IMMP2L: variants seen among roughly 807,000 people sequenced by gnomAD.
IMMP2L encodes the protein inner mitochondrial membrane peptidase subunit 2, also known as mitochondrial inner membrane protease subunit 2.
A neutral mutation model predicts 19.3 loss-of-function variants in IMMP2L; 18 were observed. That is an observed-to-expected ratio of 0.93 (90% CI 0.64 to 1.38). The LOEUF (loss-of-function observed/expected upper bound fraction) is 1.38, where lower values mean the gene tolerates loss of function less well. Ranked by LOEUF, IMMP2L falls within the 40% of genes most tolerant of loss-of-function variation. IMMP2L has a pLI of 0.00. For missense variants in IMMP2L, 233 were observed against 218.2 expected, an observed-to-expected ratio of 1.07 and a Z score of -0.43; for synonymous variants, 76 against 73.0, an observed-to-expected ratio of 1.04 and a Z score of -0.21.
intron 5 of IMMP2L, among the ~76,000 whole-genome samples, chr7:110,821,738 C>G (rs1389381018): frequency 2.0e-5 from 3 of 151,904 alleles, no homozygotes; most frequent in African/African-American, 7.3e-5. Context: ...TGGTGAAACA[C>G]TGTCTCTACC....
chr7:110,693,461 CT>C (rs1490813281), intron 5 of IMMP2L, among the ~76,000 whole-genome samples: 1 of 152,206 alleles, frequency 6.6e-6, no homozygotes, highest in Non-Finnish European at 1.5e-5. Context: ...ACAATATAGA[CT>C]TATTCATTTG....
At chr7:111,227,496 A>G (rs1048629400) in intron 3 of IMMP2L, among the ~76,000 whole-genome samples, 3 of 152,092 alleles carry the variant, frequency 2.0e-5, no homozygotes, top group Non-Finnish European at 4.4e-5. Flanking sequence ...TAGTCACAGG[A>G]AGCAGTTCCA....
At position 111,518,660 on chromosome 7, in the gene IMMP2L, T is replaced by A. The variant is rs559889041; in HGVS notation, c.135+2653A>T. 1.7e-4 allele frequency among the ~76,000 whole-genome samples: 26 copies of A among 152,288 alleles called. No homozygotes were observed. In the East Asian group the frequency reaches 5.0e-3, roughly 29 times the overall value. ...GTATAGTAGCAAAGATGTCTTCAAATATGTTGAATTAGTTAATCCCTAAAT... is the reference window on the plus strand; with the variant it reads ...GTATAGTAGCAAAGATGTCTTCAAAAATGTTGAATTAGTTAATCCCTAAAT... On this transcript the variant is annotated intron_variant, in intron 2 of 5. Coordinates refer to ENST00000405709, the MANE Select transcript of IMMP2L (RefSeq NM_032549.4).
intron 3 of IMMP2L, among the ~76,000 whole-genome samples, chr7:111,044,302 G>A (rs932705591): frequency 6.6e-6 from 1 of 152,216 alleles, no homozygotes; most frequent in African/African-American, 2.4e-5. Context: ...GCTCATGCCT[G>A]TAATCCCAGA....
chr7:110,667,787 C>T lies in IMMP2L; in HGVS notation c.409-4066G>A, dbSNP rs114857362. Among the ~76,000 whole-genome samples, 1,444 of 152,252 alleles carry T rather than the reference C, an allele frequency of 9.5e-3. 27 individuals are homozygous for T. Among genetic ancestry groups the T allele is most frequent in the African/African-American group, 0.033 (1,354 of 41,518 alleles). ...AGAACTGTAAAATAGTATATTTGTGCTGTTGTAAGGAGATACATTTATGGG... is the reference window on the plus strand; with the variant it reads ...AGAACTGTAAAATAGTATATTTGTGTTGTTGTAAGGAGATACATTTATGGG... On this transcript the variant is annotated intron_variant, in intron 5 of 5. Transcript: ENST00000405709.
At chr7:111,260,233 G>C (rs1817173297) in intron 3 of IMMP2L, among the ~76,000 whole-genome samples, 1 of 152,136 alleles carries the variant, frequency 6.6e-6, no homozygotes, top group South Asian at 2.1e-4. Flanking sequence ...CAGTAGGTTT[G>C]TTTACACCAG....
At chr7:111,335,797 GT>G (rs1387912549) in intron 3 of IMMP2L, among the ~76,000 whole-genome samples, 2 of 152,064 alleles carry the variant, frequency 1.3e-5, no homozygotes, top group Non-Finnish European at 2.9e-5. Flanking sequence ...ATATGCACAA[GT>G]TTGATCCTTC....
intron 3 of IMMP2L, among the ~76,000 whole-genome samples, chr7:111,103,309 T>C (rs993281184): frequency 2.0e-5 from 3 of 151,570 alleles, no homozygotes; most frequent in Admixed American, 6.6e-5. Context: ...CATTTACACT[T>C]TCACACACAG....
chr7:111,193,604 A>C lies in IMMP2L; in HGVS notation c.240-230039T>G, dbSNP rs189627474. ...GGATTAAGGAGAAAAGGGATGCTAA[A>C]TATAGTCCTCCGAATGGGAAATCCT... On this transcript the variant is annotated intron_variant, in intron 3 of 5. Transcript: ENST00000405709. Among the ~76,000 whole-genome samples the C allele has an allele frequency of 1.4e-3, 207 of 150,310 alleles. 3 individuals carry two copies. The highest frequency in any genetic ancestry group is 4.8e-3 in the African/African-American group (200 of 41,378).
intron 5 of IMMP2L, among the ~76,000 whole-genome samples, chr7:110,880,364 A>G (rs1809518193): frequency 6.6e-6 from 1 of 152,108 alleles, no homozygotes; most frequent in African/African-American, 2.4e-5. Context: ...AGTTTTCAGA[A>G]AATTAAAAAT....
rs1563193161 is a variant in IMMP2L, at chr7:111,049,117, TC to T, written c.240-85553del. ...TTAGGGCATTGATTTTTATGATACT[TC>T]TTTTTTTTTTTTTTTTTCTTTTTTT... On this transcript the variant is annotated intron_variant, in intron 3 of 5. Coordinates refer to ENST00000405709, the MANE Select transcript of IMMP2L (RefSeq NM_032549.4). 6.2e-3 allele frequency among the ~76,000 whole-genome samples: 178 copies of T among 28,646 alleles called. 2 individuals are homozygous for T. Among genetic ancestry groups the T allele is most frequent in the African/African-American group, 0.011 (158 of 14,988 alleles). The allele number at this position is 28,646 out of a possible 152,430, so 18.8% of individuals were successfully genotyped here. A position where few individuals can be genotyped will look rare whatever the true frequency, so the allele number is the denominator to read the frequency against.
At chr7:111,016,375 T>G (rs1825538377) in intron 3 of IMMP2L, among the ~76,000 whole-genome samples, 1 of 143,748 alleles carries the variant, frequency 7.0e-6, no homozygotes, top group Non-Finnish European at 1.5e-5. Flanking sequence ...ATTTATATTT[T>G]TATATGATAT....
At chr7:110,690,531 T>A (rs894802760) in intron 5 of IMMP2L, among the ~76,000 whole-genome samples, 2 of 152,122 alleles carry the variant, frequency 1.3e-5, no homozygotes, top group African/African-American at 4.8e-5. Context: ...TATTTGCCGA[T>A]GATATGATCA....
chr7:111,524,852 C>G (rs1846688198), intron 1 of IMMP2L, among the ~76,000 whole-genome samples: 1 of 152,090 alleles, frequency 6.6e-6, no homozygotes, highest in South Asian at 2.1e-4. Context: ...AAAATGACTT[C>G]CAGTGGATTT....
intron 5 of IMMP2L, among the ~76,000 whole-genome samples, chr7:110,670,123 G>A (rs1014494771): frequency 2.6e-5 from 4 of 152,092 alleles, no homozygotes; most frequent in African/African-American, 7.2e-5. Context: ...GAAGGCAACC[G>A]GATTAGTGAC....
chr7:110,946,594 T>C (rs1817270877), intron 4 of IMMP2L, among the ~76,000 whole-genome samples: 1 of 152,178 alleles, frequency 6.6e-6, no homozygotes. Context: ...TATTTTACCT[T>C]TGTTTCTTTA....
chr7:110,815,464 G>A (rs1802417806), intron 5 of IMMP2L, among the ~76,000 whole-genome samples: 1 of 152,112 alleles, frequency 6.6e-6, no homozygotes, highest in African/African-American at 2.4e-5. Context: ...TTGGTATCAG[G>A]ATGATGCTGG....
Position 111,367,363 on chromosome 7 carries a change from A to G in IMMP2L, c.239+119875T>C, listed in dbSNP as rs1337766508. Among the ~76,000 whole-genome samples the G allele has an allele frequency of 3.9e-5, 6 of 151,948 alleles. No homozygotes were observed. The East Asian group carries it at 1.2e-3, about 29-fold the overall frequency. On this transcript the variant is annotated intron_variant, in intron 3 of 5. Coordinates refer to ENST00000405709, the MANE Select transcript of IMMP2L (RefSeq NM_032549.4). ...AATAGGTATTTCCGGAGTAACAATC[A>G]TTAATTTGTTTTTATTCCTACTGGG...
intron 3 of IMMP2L, among the ~76,000 whole-genome samples, chr7:111,444,619 G>T (rs914442149): frequency 4.6e-5 from 7 of 151,428 alleles, no homozygotes; most frequent in Admixed American, 4.6e-4. Context: ...TTTCCTCATC[G>T]CTTCTACTGC....
Sources: allele counts gnomAD v4.1 joint callset (sites outside exome capture counted in the v4.1 genomes callset), GRCh38; gene constraint gnomAD v4.1.1; transcripts MANE v1.5; gene names NCBI Gene and HGNC (gene_info 2026-07-23, HGNC 2026-07-21).